Variants in C3 observed in about 807,000 individuals in gnomAD.
The protein encoded by C3 is complement C3, also known as C3 and PZP-like alpha-2-macroglobulin domain-containing protein 1.
C3 carries 97 observed loss-of-function variants against 207.9 expected under a neutral mutation model. The ratio of observed to expected loss-of-function variants is 0.47; its 90% CI spans 0.40 to 0.55. The LOEUF is 0.55. Among genes scored for constraint, C3 ranks in the 20% least tolerant of loss-of-function variants. C3 has a pLI of 0.00. For synonymous variants in C3, 848 were observed against 857.6 expected, an observed-to-expected ratio of 0.99 and a Z score of 0.20; for missense variants, 1,684 against 2,171.7, an observed-to-expected ratio of 0.78 and a Z score of 4.46.
At chr19:6,711,549 G>C (rs1967922914) in intron 11 of C3, among the ~76,000 whole-genome samples, 1 of 152,176 alleles carries the variant, frequency 6.6e-6, no homozygotes. Context: ...CTTTCCCCCA[G>C]AGCCAGGACT....
At chr19:6,680,129 A>G in intron 36 of C3, 29 bp downstream of exon 36, 1 of 1,256,064 alleles carries the variant, frequency 8.0e-7, no homozygotes, top group Non-Finnish European at 1.2e-6. Flanking sequence ...TGGAACCATC[A>G]GACCCCAGGC....
At chr19:6,685,990 C>G in intron 29 of C3, 134 bp downstream of exon 29, 1 of 908,026 alleles carries the variant, frequency 1.1e-6, no homozygotes, top group Non-Finnish European at 1.8e-6. Flanking sequence ...AACTGATTCT[C>G]AACTCCACTG....
chr19:6,716,364 C>T (rs1425155467), intron 4 of C3: 1 of 152,190 alleles, frequency 6.6e-6, no homozygotes, highest in Non-Finnish European at 1.5e-5. Flanking sequence ...CAACCACAAG[C>T]AAGCACCACC....
chr19:6,686,298 G>A lies in C3; in HGVS notation c.3647-11C>T, dbSNP rs1190959438. The A allele has an allele frequency of 1.9e-6, 3 of 1,613,670 alleles. No homozygotes were observed. Among genetic ancestry groups the A allele is most frequent in the Non-Finnish European group, 1.7e-6 (2 of 1,179,978 alleles). ...CCCAGCGGTTCTTATCTGCAAAGAA[G>A]ATACCCCATCCCCAGTGCTCACTGC... On this transcript the variant is annotated splice_polypyrimidine_tract_variant and intron_variant, in intron 28 of 40. Transcript: ENST00000245907.
At chr19:6,688,095 C>T (rs1163393946) in intron 27 of C3, among the ~76,000 whole-genome samples, 2 of 151,468 alleles carry the variant, frequency 1.3e-5, no homozygotes, top group African/African-American at 4.9e-5. Context: ...CCGCCCACCT[C>T]GGCCTCCCAA....
chr19:6,681,463 T>A (rs553630787), intron 35 of C3, among the ~76,000 whole-genome samples: 1 of 151,970 alleles, frequency 6.6e-6, no homozygotes, highest in Non-Finnish European at 1.5e-5. Flanking sequence ...GGAGGATCCC[T>A]TGAGCCCAGG....
chr19:6,709,611 T>TTCCCCCCCCCCCC, intron 14 of C3, 73 bp downstream of exon 14: 22 of 1,109,394 alleles, frequency 2.0e-5, no homozygotes, highest in South Asian at 5.0e-5. Context: ...CCCTCTCCAG[T>TTCCCCCCCCCCCC]CCCACCCACC....
chr19:6,682,510 A>G, intron 33 of C3: 1 of 372,696 alleles, frequency 2.7e-6, no homozygotes, highest in Non-Finnish European at 4.9e-6. Context: ...TCCATGCTTC[A>G]GTTCTAGAAA....
At chr19:6,681,340 TAA>T (rs71177112) in intron 35 of C3, among the ~76,000 whole-genome samples, 1,671 of 95,062 alleles carry the variant, frequency 0.018, 43 homozygotes, top group African/African-American at 0.062. Context: ...AGGCTGCAGT[TAA>T]AAAAAAAAAA....
intron 17 of C3, among the ~76,000 whole-genome samples, chr19:6,703,927 A>G (rs1186493772): frequency 6.6e-6 from 1 of 151,640 alleles, no homozygotes; most frequent in Non-Finnish European, 1.5e-5. Flanking sequence ...CAGCCTGGCG[A>G]CAGAGCGAGA....
At chr19:6,692,732 C>T (rs1375467806) in intron 26 of C3, among the ~76,000 whole-genome samples, 192 bp downstream of exon 26, 1 of 152,086 alleles carries the variant, frequency 6.6e-6, no homozygotes, top group Non-Finnish European at 1.5e-5. Flanking sequence ...CGCTGGGCTT[C>T]GCAGGTCTCT....
intron 4 of C3, chr19:6,716,951 GA>G (rs1968044932): frequency 6.6e-6 from 1 of 152,310 alleles, no homozygotes; most frequent in African/African-American, 2.4e-5. Flanking sequence ...ATATTTGGAA[GA>G]AGAGGGTTTT....
At position 6,713,518 on chromosome 19, in the gene C3, C is replaced by T. The variant is rs1028727629; in HGVS notation, c.774-9G>A. The T allele has an allele frequency of 6.3e-7, 1 of 1,599,234 alleles. No individual in the cohort carries two copies. Among genetic ancestry groups the T allele is most frequent in the Non-Finnish European group, 8.6e-7 (1 of 1,166,776 alleles). On this transcript the variant is annotated splice_polypyrimidine_tract_variant and intron_variant, in intron 7 of 40. Coordinates refer to ENST00000245907, the MANE Select transcript of C3 (RefSeq NM_000064.4). ...TCTTCCCGTAGAGGAACCTACGGGA[C>T]AGACAAGGAGGGCTTCAGGTCCATC...
rs1917743357 is a variant in C3 at position 6,677,706 on chromosome 19, C to T, written c.*176G>A. ...TGCTCCTTGGCTAAAGAAGTCAGCA[C>T]ACTAGCAGGCGAACGCCAGGAGAAA... On this transcript the variant is annotated 3_prime_UTR_variant, in exon 41 of 41. Transcript: ENST00000245907. 1 of 774,922 alleles carries T rather than the reference C, an allele frequency of 1.3e-6. No individual in the cohort carries two copies. The allele number at this position is 774,922 out of a possible 1,614,324, so 48.0% of individuals were successfully genotyped here. A position where few individuals can be genotyped will look rare whatever the true frequency, so the allele number is the denominator to read the frequency against.
rs747452882 is a variant in C3, at chr19:6,684,443, G to A, written c.4121-4C>T. On this transcript the variant is annotated splice_region_variant and splice_polypyrimidine_tract_variant and intron_variant, in intron 32 of 40. Transcript: ENST00000245907. The stretch of plus-strand genomic sequence containing the variant: ...TTGGCATCCTGAGGCCTCTTTTCTA[G>A]AAACACAGAAGAGAGAAAGATGGGA... 3.7e-6 allele frequency: 6 copies of A among 1,612,150 alleles called. No individual in the cohort carries two copies. The highest frequency in any genetic ancestry group is 5.1e-6 in the Non-Finnish European group (6 of 1,178,270).
rs1481406401 is a variant in C3 at position 6,690,662 on chromosome 19, C to T, written c.3456G>A (p.Gln1152=). Reference sequence around the variant, plus strand: ...GCTCCTCGCAAATATCTTTAGCCTCCTGCAGCGAGATGAGAACAAAGGCCG... The same window carrying T: ...GCTCCTCGCAAATATCTTTAGCCTCTTGCAGCGAGATGAGAACAAAGGCCG... ...ALTAFVLISL[Q]EAKDICEEQV... The change falls in exon 27 of 41, where the codon CAG becomes CAA. Residue 1152 remains glutamine (Q), a synonymous_variant. Coordinates refer to ENST00000245907, the MANE Select transcript of C3 (RefSeq NM_000064.4). 1.9e-6 allele frequency: 3 copies of T among 1,614,100 alleles called. No individual in the cohort carries two copies. Among genetic ancestry groups the T allele is most frequent in the African/African-American group, 1.3e-5 (1 of 74,932 alleles).
At chr19:6,708,011 T>G in intron 14 of C3, 82 bp from the exon 15 acceptor site, 75 of 1,537,396 alleles carry the variant, frequency 4.9e-5, no homozygotes, top group Non-Finnish European at 5.6e-5. Flanking sequence ...TGTGTATCTC[T>G]TCCCAAATGA....
chr19:6,697,434 C>T lies in C3; in HGVS notation c.2706G>A (p.Pro902=), dbSNP rs769080198. Reference sequence around the variant, plus strand: ...CCACTTCCTGCAGGCCGGTCTTTAGCGGCACGATGACATATGGAACGGACA... The same window carrying T: ...CCACTTCCTGCAGGCCGGTCTTTAGTGGCACGATGACATATGGAACGGACA... The part of the protein sequence containing the change: ...SSLSVPYVIV[P]LKTGLQEVEV... Residue 902 remains proline (P), a synonymous_variant, in exon 21 of 41, where the codon CCG becomes CCA. Transcript: ENST00000245907. 14 of 1,613,674 alleles carry T rather than the reference C, an allele frequency of 8.7e-6. No homozygotes were observed. The highest frequency in any genetic ancestry group is 3.3e-5 in the South Asian group (3 of 91,054).
chr19:6,679,100 T>A (rs1247785122), intron 38 of C3, 25 bp downstream of exon 38: 1 of 1,575,138 alleles, frequency 6.3e-7, no homozygotes, highest in Non-Finnish European at 8.7e-7. Context: ...TAAACATGCG[T>A]GACCCCCACC....
Sources: allele counts gnomAD v4.1 joint callset (sites outside exome capture counted in the v4.1 genomes callset), GRCh38; gene constraint gnomAD v4.1.1; transcripts MANE v1.5; gene names NCBI Gene and HGNC (gene_info 2026-07-23, HGNC 2026-07-21).